The following INPP4B variants were observed in gnomAD, a reference collection of about 807,000 sequenced individuals.
The protein encoded by INPP4B is inositol polyphosphate-4-phosphatase type II B.
Under a neutral mutation model 122.5 loss-of-function variants are expected in INPP4B, and 55 were observed. The observed-to-expected ratio is 0.45, with a 90% CI of 0.36 to 0.56. The LOEUF is 0.56. Ranked by LOEUF, INPP4B falls within the 20% of genes least tolerant of loss-of-function variation. The probability of loss-of-function intolerance (pLI) is 0.00; values close to 1 mark genes in which losing one functional copy is unlikely to be tolerated. For synonymous variants in INPP4B, 403 were observed against 388.7 expected (o/e 1.04, Z -0.43); for missense variants, 1,000 against 1,097.7 (o/e 0.91, Z 1.26).
intron 2 of INPP4B, among the ~76,000 whole-genome samples, chr4:142,573,511 T>C (rs888178580): frequency 6.6e-6 from 1 of 152,094 alleles, no homozygotes; most frequent in Non-Finnish European, 1.5e-5. Flanking sequence ...AAATCAATCA[T>C]ATACCTGGCT....
chr4:142,563,697 C>G (rs998160654), intron 2 of INPP4B, among the ~76,000 whole-genome samples: 1 of 152,136 alleles, frequency 6.6e-6, no homozygotes, highest in Non-Finnish European at 1.5e-5. Context: ...AAGAAAGTGG[C>G]AGAAATGATA....
chr4:142,242,434 T>C (rs957758595), intron 11 of INPP4B, among the ~76,000 whole-genome samples: 4 of 152,164 alleles, frequency 2.6e-5, no homozygotes, highest in African/African-American at 7.2e-5. Flanking sequence ...TTGGTGACAA[T>C]TGGTGAATTT....
chr4:142,627,689 A>G (rs993888847), intron 2 of INPP4B, among the ~76,000 whole-genome samples: 1 of 151,572 alleles, frequency 6.6e-6, no homozygotes, highest in Non-Finnish European at 1.5e-5. Flanking sequence ...ACGAATGTTC[A>G]TCAAGGATAT....
chr4:142,622,314 T>G (rs1387577885), intron 2 of INPP4B, among the ~76,000 whole-genome samples: 1 of 150,966 alleles, frequency 6.6e-6, no homozygotes, highest in Non-Finnish European at 1.5e-5. Flanking sequence ...GAATCAACAG[T>G]AAAAGCTTCC....
intron 2 of INPP4B, among the ~76,000 whole-genome samples, chr4:142,612,334 A>G (rs1332195769): frequency 6.6e-6 from 1 of 152,232 alleles, no homozygotes; most frequent in East Asian, 1.9e-4. Context: ...ATAACTAAGA[A>G]AGTAATTAGG....
chr4:142,550,589 T>TATACAC (rs377548203), intron 2 of INPP4B, among the ~76,000 whole-genome samples: 3 of 140,548 alleles, frequency 2.1e-5, no homozygotes, highest in Non-Finnish European at 4.6e-5. Flanking sequence ...ATGTAATATA[T>TATACAC]ACACACACAC....
intron 7 of INPP4B, among the ~76,000 whole-genome samples, chr4:142,395,104 T>C (rs1798945323): frequency 6.6e-6 from 1 of 152,170 alleles, no homozygotes; most frequent in Admixed American, 6.5e-5. Context: ...AAACAAAGTT[T>C]TTGAAGAGAT....
At position 142,085,857 on chromosome 4, in the gene INPP4B, C is replaced by T. The variant is rs184978253; in HGVS notation, c.2487+287G>A. Reference sequence around the variant, plus strand: ...GATACGGGCAATTGACGTTGCAATACGCAACATCAAGAAACTCACAGACAC... The same window carrying T: ...GATACGGGCAATTGACGTTGCAATATGCAACATCAAGAAACTCACAGACAC... On this transcript the variant is annotated intron_variant, in intron 24 of 25. Transcript: ENST00000262992. Among the ~76,000 whole-genome samples, 618 of 152,256 alleles carry T rather than the reference C, an allele frequency of 4.1e-3. 4 individuals carry two copies. Among genetic ancestry groups the T allele is most frequent in the Non-Finnish European group, 5.8e-3 (397 of 68,024 alleles).
At chr4:142,682,415 G>A (rs576216777) in intron 2 of INPP4B, among the ~76,000 whole-genome samples, 6 of 151,454 alleles carry the variant, frequency 4.0e-5, no homozygotes, top group South Asian at 2.1e-4. Flanking sequence ...ACTGTCATTC[G>A]TGTCAATCAA....
chr4:142,719,439 C>T (rs1053312463), intron 2 of INPP4B, among the ~76,000 whole-genome samples: 1 of 151,944 alleles, frequency 6.6e-6, no homozygotes, highest in African/African-American at 2.4e-5. Context: ...ATCCTCCCAC[C>T]TCAGCCTCCT....
chr4:142,644,830 G>A (rs1231789862), intron 2 of INPP4B, among the ~76,000 whole-genome samples: 2 of 148,110 alleles, frequency 1.4e-5, no homozygotes, highest in East Asian at 3.9e-4. Context: ...TTGAACCTGG[G>A]TGGTGGAAGA....
At chr4:142,224,235 T>C (rs956991175) in intron 12 of INPP4B, among the ~76,000 whole-genome samples, 8 of 152,182 alleles carry the variant, frequency 5.3e-5, no homozygotes, top group Non-Finnish European at 1.2e-4. Context: ...TCTTAGAATG[T>C]CAAATCATGC....
chr4:142,056,050 C>T (rs1004142818), intron 25 of INPP4B, among the ~76,000 whole-genome samples: 5 of 151,824 alleles, frequency 3.3e-5, no homozygotes, highest in East Asian at 1.9e-4. Flanking sequence ...CTAGATTCCT[C>T]GCATGTGCAG....
At chr4:142,428,406 C>T (rs1808570404) in intron 5 of INPP4B, among the ~76,000 whole-genome samples, 2 of 150,804 alleles carry the variant, frequency 1.3e-5, no homozygotes, top group Admixed American at 6.6e-5. Context: ...AAAAATACTA[C>T]TGTCTTTCCG....
chr4:142,449,400 C>T (rs1813647799), intron 3 of INPP4B, among the ~76,000 whole-genome samples: 2 of 152,084 alleles, frequency 1.3e-5, no homozygotes, highest in Admixed American at 1.3e-4. Flanking sequence ...TCTAGACTTA[C>T]CACATTAGAA....
chr4:142,383,831 C>A, intron 7 of INPP4B: 1 of 453,086 alleles, frequency 2.2e-6, no homozygotes, highest in East Asian at 3.4e-5. Flanking sequence ...AGGACCTTGA[C>A]TTTATTTATG....
chr4:142,735,966 CAT>C (rs1491257484), intron 1 of INPP4B, among the ~76,000 whole-genome samples: 5 of 145,414 alleles, frequency 3.4e-5, no homozygotes, highest in African/African-American at 1.0e-4. Flanking sequence ...CACACACACA[CAT>C]CCACCACTAT....
At chr4:142,622,877 C>T (rs970052088) in intron 2 of INPP4B, among the ~76,000 whole-genome samples, 5 of 151,934 alleles carry the variant, frequency 3.3e-5, no homozygotes, top group Non-Finnish European at 7.4e-5. Context: ...GTAAGATTCA[C>T]CCATTTAAAG....
chr4:142,037,290 C>A (rs907250542), intron 25 of INPP4B, among the ~76,000 whole-genome samples: 2 of 152,114 alleles, frequency 1.3e-5, no homozygotes, highest in South Asian at 4.1e-4. Flanking sequence ...TAAATATAAT[C>A]CAACGTGCAT....
Sources: gnomAD v4.1 joint callset for allele counts (sites outside exome capture counted in the v4.1 genomes callset) on GRCh38, gnomAD v4.1.1 for gene constraint, MANE v1.5 for transcripts, NCBI Gene and HGNC (gene_info 2026-07-23, HGNC 2026-07-21) for gene names.